PER3: variants seen among roughly 807,000 people sequenced by gnomAD.
The protein encoded by PER3 is period circadian regulator 3.
Under a neutral mutation model 127.2 loss-of-function variants are expected in PER3, and 107 were observed. That is an observed-to-expected ratio of 0.84 (90% CI 0.72 to 0.99). The LOEUF (loss-of-function observed/expected upper bound fraction) is 0.99, where lower values mean the gene tolerates loss of function less well. Among genes scored for constraint, PER3 ranks in the 50% least tolerant of loss-of-function variants. PER3 has a pLI of 0.00. For missense variants in PER3, 1,560 were observed against 1,525.8 expected, an observed-to-expected ratio of 1.02 and a Z score of -0.37; for synonymous variants, 618 against 585.8, an observed-to-expected ratio of 1.05 and a Z score of -0.79.
intron 16 of PER3, among the ~76,000 whole-genome samples, chr1:7,825,042 C>CTT (rs577476334): frequency 7.6e-5 from 11 of 144,976 alleles, no homozygotes; most frequent in Non-Finnish European, 1.4e-4. Flanking sequence ...TATATTTTGG[C>CTT]TTTTTTTTTT....
At chr1:7,785,932 TACCTTTA>T (rs1343420886) in intron 3 of PER3, among the ~76,000 whole-genome samples, 2 of 152,216 alleles carry the variant, frequency 1.3e-5, no homozygotes, top group African/African-American at 4.8e-5. Flanking sequence ...ACGAAATAGT[TACCTTTA>T]CATGCCGTAC....
At position 7,844,044 on chromosome 1, in the gene PER3, CT is replaced by C. The variant is rs2097402193; in HGVS notation, c.*1296del. On this transcript the variant is annotated 3_prime_UTR_variant, in exon 22 of 22. Coordinates refer to ENST00000377532, the MANE Select transcript of PER3 (RefSeq NM_001377275.1). ...CAACAAACTAATTTATTTTTTTTTCCTTTTTTTGTTTTTGGTTTTTTATGGT... is the reference window on the plus strand; with the variant it reads ...CAACAAACTAATTTATTTTTTTTTCCTTTTTTGTTTTTGGTTTTTTATGGT... The C allele has an allele frequency of 1.2e-5, 12 of 1,024,154 alleles. No individual in the cohort carries two copies. Among genetic ancestry groups the C allele is most frequent in the Admixed American group, 5.1e-5 (1 of 19,548 alleles). The allele number at this position is 1,024,154 out of a possible 1,614,324, so 63.4% of individuals were successfully genotyped here. A position where few individuals can be genotyped will look rare whatever the true frequency, so the allele number is the denominator to read the frequency against.
intron 13 of PER3, among the ~76,000 whole-genome samples, chr1:7,812,130 T>G (rs2097221624): frequency 6.6e-6 from 1 of 152,210 alleles, no homozygotes; most frequent in African/African-American, 2.4e-5. Context: ...CACAGCTGCC[T>G]GGGCCTAGGA....
chr1:7,804,303 C>G (rs1414135111), intron 10 of PER3, among the ~76,000 whole-genome samples: 4 of 128,202 alleles, frequency 3.1e-5, no homozygotes, highest in African/African-American at 1.1e-4. Context: ...ACAAGTGTTT[C>G]TTTCTTTCTT....
intron 16 of PER3, among the ~76,000 whole-genome samples, chr1:7,823,570 A>T (rs2097287695): frequency 6.6e-6 from 1 of 151,986 alleles, no homozygotes; most frequent in South Asian, 2.1e-4. Flanking sequence ...TGAACCTGGG[A>T]GGTGGAGGTT....
intron 7 of PER3, among the ~76,000 whole-genome samples, chr1:7,799,149 A>T (rs1260924506): frequency 6.6e-6 from 1 of 152,226 alleles, no homozygotes; most frequent in African/African-American, 2.4e-5. Context: ...TGTATTACTG[A>T]AAAGTCAGTT....
chr1:7,786,701 T>C lies in PER3; in HGVS notation c.275-20T>C, dbSNP rs1422833933. The C allele has an allele frequency of 2.0e-5, 25 of 1,267,342 alleles. No individual in the cohort carries two copies. The highest frequency in any genetic ancestry group is 2.9e-5 in the Non-Finnish European group (25 of 863,214). 78.5% of individuals were successfully genotyped at this position (1,267,342 alleles called of 1,614,324 possible). The stretch of plus-strand genomic sequence containing the variant: ...TACTGTTGTCACTGGACTACCTGTT[T>C]ATCTCCCTGTGTTTCTTAGCAAACA... On this transcript the variant is annotated intron_variant, in intron 3 of 21. Coordinates refer to ENST00000377532, the MANE Select transcript of PER3 (RefSeq NM_001377275.1).
At chr1:7,822,484 C>T (rs1264306637) in intron 16 of PER3, among the ~76,000 whole-genome samples, 2 of 152,034 alleles carry the variant, frequency 1.3e-5, no homozygotes, top group Non-Finnish European at 2.9e-5. Flanking sequence ...AACTCCGGAC[C>T]TCAGGTGATC....
At chr1:7,814,703 TCA>T (rs2097238794) in intron 13 of PER3, among the ~76,000 whole-genome samples, 1 of 152,168 alleles carries the variant, frequency 6.6e-6, no homozygotes, top group Non-Finnish European at 1.5e-5. Context: ...TTAAAATTAA[TCA>T]TAAAGATAAT....
chr1:7,804,802 C>T (rs550812986), intron 10 of PER3, among the ~76,000 whole-genome samples: 16 of 152,064 alleles, frequency 1.1e-4, no homozygotes, highest in African/African-American at 2.4e-4. Flanking sequence ...TGGAATGGAA[C>T]GAGACCAGCC....
chr1:7,800,966 T>G, intron 7 of PER3, 147 bp from the exon 8 acceptor site: 1 of 624,916 alleles, frequency 1.6e-6, no homozygotes, highest in Admixed American at 3.4e-5. Context: ...TAACTGTAGC[T>G]TTGGCTGCTT....
At chr1:7,797,488 A>G (rs1214957013) in intron 6 of PER3, among the ~76,000 whole-genome samples, 1 of 152,124 alleles carries the variant, frequency 6.6e-6, no homozygotes, top group African/African-American at 2.4e-5. Flanking sequence ...TACAAAAATC[A>G]TCTGGGCGTG....
intron 5 of PER3, among the ~76,000 whole-genome samples, chr1:7,790,149 T>G (rs2097112544): frequency 6.6e-6 from 1 of 152,252 alleles, no homozygotes; most frequent in Non-Finnish European, 1.5e-5. Flanking sequence ...TGCTGATTAC[T>G]GATTACTGCG....
chr1:7,831,232 CA>C (rs1238218182), intron 19 of PER3, among the ~76,000 whole-genome samples: 2 of 152,130 alleles, frequency 1.3e-5, no homozygotes, highest in Non-Finnish European at 2.9e-5. Flanking sequence ...CTGAAAATGG[CA>C]TTTTAAATTT....
Position 7,786,719 on chromosome 1 carries a change from A to G in PER3, c.275-2A>G, listed in dbSNP as rs143519087. On this transcript the variant is annotated splice_acceptor_variant, in intron 3 of 21. Coordinates refer to ENST00000377532, the MANE Select transcript of PER3 (RefSeq NM_001377275.1). LOFTEE classifies it high-confidence loss of function. ...ACCTGTTTATCTCCCTGTGTTTCTT[A>G]GCAAACAGTGAGTTTTTCCAGATTC... is the stretch of plus-strand genomic sequence containing the variant. 4 of 1,522,976 alleles carry G rather than the reference A, an allele frequency of 2.6e-6. No homozygotes were observed. The highest frequency in any genetic ancestry group is 3.6e-6 in the Non-Finnish European group (4 of 1,096,806). The allele number at this position is 1,522,976 out of a possible 1,614,324, so 94.3% of individuals were successfully genotyped here.
chr1:7,812,314 A>AT (rs1577797519), intron 13 of PER3, among the ~76,000 whole-genome samples: 1 of 152,002 alleles, frequency 6.6e-6, no homozygotes, highest in East Asian at 1.9e-4. Flanking sequence ...ATATTCCATC[A>AT]TTCACTTTTT....
At chr1:7,830,477 C>T (rs2097326334) in intron 19 of PER3, among the ~76,000 whole-genome samples, 1 of 152,210 alleles carries the variant, frequency 6.6e-6, no homozygotes, top group African/African-American at 2.4e-5. Flanking sequence ...CCTTGGTCTC[C>T]TGGCAGCCAC....
intron 16 of PER3, among the ~76,000 whole-genome samples, chr1:7,822,046 T>C (rs955204332): frequency 2.6e-5 from 4 of 152,174 alleles, no homozygotes; most frequent in Admixed American, 1.3e-4. Context: ...GAATCAAGTA[T>C]TGACCATTAG....
rs2097093115 is a variant in PER3 at position 7,786,759 on chromosome 1, G to C, written c.313G>C (p.Ala105Pro). 3.1e-6 allele frequency: 5 copies of C among 1,611,404 alleles called. No individual in the cohort carries two copies. The South Asian group carries it at 5.5e-5, about 18-fold the overall frequency. ...EFFQILSQNG[A>P]PQADVSMYSL... is the part of the protein sequence containing the mutation. ...TTTCCAGATTCTCAGTCAGAATGGA[G>C]CACCTCAGGCAGATGTGAGCATGTA... is the stretch of plus-strand genomic sequence containing the variant. Residue 105 changes from alanine to proline, a missense_variant, in exon 4 of 22, where the codon GCA becomes CCA. Coordinates refer to ENST00000377532, the MANE Select transcript of PER3 (RefSeq NM_001377275.1).
Sources: allele counts gnomAD v4.1 joint callset (sites outside exome capture counted in the v4.1 genomes callset), GRCh38; gene constraint gnomAD v4.1.1; transcripts MANE v1.5; gene names NCBI Gene and HGNC (gene_info 2026-07-23, HGNC 2026-07-21).